EYS: variants seen among roughly 807,000 people sequenced by gnomAD.
EYS encodes the protein EGF-like photoreceptor maintenance factor.
In EYS, 250 loss-of-function variants were observed where a neutral mutation model predicts 282.1. That is an observed-to-expected ratio of 0.89 (90% CI 0.80 to 0.98). The LOEUF is 0.98. Ranked by LOEUF, EYS falls within the 50% of genes least tolerant of loss-of-function variation. EYS has a pLI of 0.00. For synonymous variants in EYS, 1,355 were observed against 1,282.9 expected, an observed-to-expected ratio of 1.06 and a Z score of -1.20; for missense variants, 4,016 against 3,709.0, an observed-to-expected ratio of 1.08 and a Z score of -2.15.
intron 11 of EYS, among the ~76,000 whole-genome samples, chr6:65,325,138 G>A (rs947246308): frequency 6.6e-6 from 1 of 151,986 alleles, no homozygotes; most frequent in African/African-American, 2.4e-5. Flanking sequence ...GGCAGCTGTC[G>A]CCACCATCAT....
intron 39 of EYS, among the ~76,000 whole-genome samples, chr6:63,780,706 C>T: frequency 6.6e-6 from 1 of 152,154 alleles, no homozygotes; most frequent in East Asian, 1.9e-4. Context: ...GTTGCCTGTT[C>T]ACTCTGATGG....
chr6:64,359,900 C>T (rs1771949548), intron 29 of EYS, among the ~76,000 whole-genome samples: 1 of 151,604 alleles, frequency 6.6e-6, no homozygotes, highest in Non-Finnish European at 1.5e-5. Flanking sequence ...TAATCATCCT[C>T]ATTTTGCTTT....
At chr6:64,209,638 A>G (rs1219212615) in intron 31 of EYS, among the ~76,000 whole-genome samples, 5 of 152,108 alleles carry the variant, frequency 3.3e-5, no homozygotes, top group Admixed American at 6.5e-5. Flanking sequence ...TCACTTCTAC[A>G]AGGCTGTTTT....
chr6:64,368,036 A>C (rs1456300043), intron 29 of EYS, among the ~76,000 whole-genome samples: 2 of 152,072 alleles, frequency 1.3e-5, no homozygotes, highest in Non-Finnish European at 2.9e-5. Context: ...AGATTATTTC[A>C]TCATCCAGGT....
intron 8 of EYS, among the ~76,000 whole-genome samples, chr6:65,383,621 T>C (rs1006056013): frequency 6.6e-6 from 1 of 151,708 alleles, no homozygotes; most frequent in Non-Finnish European, 1.5e-5. Context: ...ACATTGGAAG[T>C]TCCCTTTGTA....
At chr6:64,780,799 A>T (rs973081928) in intron 22 of EYS, among the ~76,000 whole-genome samples, 12 of 151,870 alleles carry the variant, frequency 7.9e-5, no homozygotes, top group African/African-American at 2.2e-4. Flanking sequence ...AATATTCTTT[A>T]AAAAAATTAT....
intron 31 of EYS, among the ~76,000 whole-genome samples, chr6:64,098,770 TTTTG>T (rs1172124781): frequency 6.6e-6 from 1 of 151,830 alleles, no homozygotes; most frequent in Non-Finnish European, 1.5e-5. Context: ...CCAGCTAATT[TTTTG>T]TACTTTTTAG....
intron 12 of EYS, among the ~76,000 whole-genome samples, chr6:65,130,821 T>C (rs1259046156): frequency 6.7e-6 from 1 of 148,790 alleles, no homozygotes; most frequent in African/African-American, 2.5e-5. Flanking sequence ...AAAGAAAAAG[T>C]ACATCCCCAT....
chr6:65,440,387 A>T (rs1478589535), intron 5 of EYS, among the ~76,000 whole-genome samples: 3 of 151,812 alleles, frequency 2.0e-5, no homozygotes, highest in African/African-American at 7.2e-5. Flanking sequence ...TAAAAAAAAA[A>T]AAATTAAAAC....
chr6:64,982,608 T>A (rs1303010406), intron 14 of EYS, among the ~76,000 whole-genome samples: 1 of 151,214 alleles, frequency 6.6e-6, no homozygotes, highest in Non-Finnish European at 1.5e-5. Context: ...GAATCAATTG[T>A]AATTGAGTCC....
chr6:65,188,526 C>T (rs1159665435), intron 12 of EYS, among the ~76,000 whole-genome samples: 1 of 151,234 alleles, frequency 6.6e-6, no homozygotes, highest in Admixed American at 6.6e-5. Context: ...ATAATCACCT[C>T]CAAAGATATT....
At chr6:65,456,631 A>G (rs1764628235) in intron 5 of EYS, among the ~76,000 whole-genome samples, 2 of 152,120 alleles carry the variant, frequency 1.3e-5, no homozygotes. Flanking sequence ...TACATGTGAT[A>G]CATATCCCAT....
intron 26 of EYS, among the ~76,000 whole-genome samples, chr6:64,566,802 C>G (rs1294753883): frequency 1.3e-5 from 2 of 152,100 alleles, no homozygotes; most frequent in African/African-American, 4.8e-5. Flanking sequence ...AAGACAGAGT[C>G]TCACTCTATT....
intron 31 of EYS, among the ~76,000 whole-genome samples, chr6:64,116,438 A>G (rs769188956): frequency 1.3e-5 from 2 of 152,204 alleles, no homozygotes; most frequent in Non-Finnish European, 2.9e-5. Flanking sequence ...GAATCATAGC[A>G]TAATACTGTA....
intron 12 of EYS, among the ~76,000 whole-genome samples, chr6:65,133,291 AAAC>A (rs747296371): frequency 1.3e-5 from 2 of 151,926 alleles, no homozygotes; most frequent in African/African-American, 2.4e-5. Context: ...CAAAAAAAGC[AAAC>A]AACAACAACA....
chr6:64,442,550 C>G (rs941625957), intron 26 of EYS, among the ~76,000 whole-genome samples: 1 of 152,176 alleles, frequency 6.6e-6, no homozygotes, highest in African/African-American at 2.4e-5. Flanking sequence ...ATGGCAGCCC[C>G]TCTCATTACA....
At chr6:65,536,937 C>T (rs1011964603) in intron 2 of EYS, among the ~76,000 whole-genome samples, 5 of 152,018 alleles carry the variant, frequency 3.3e-5, no homozygotes, top group Non-Finnish European at 4.4e-5. Context: ...CATACGGCAA[C>T]GCTAATAACT....
intron 13 of EYS, among the ~76,000 whole-genome samples, chr6:65,039,533 G>A (rs891216020): frequency 6.6e-6 from 1 of 151,288 alleles, no homozygotes; most frequent in Non-Finnish European, 1.5e-5. Context: ...CATTAGAAGA[G>A]GGATTACATT....
intron 2 of EYS, among the ~76,000 whole-genome samples, chr6:65,633,887 G>T (rs1767003456): frequency 6.6e-6 from 1 of 152,190 alleles, no homozygotes; most frequent in Non-Finnish European, 1.5e-5. Context: ...GTAAGTAGTT[G>T]GGAGAAAGGT....
Sources: allele counts gnomAD v4.1 joint callset (sites outside exome capture counted in the v4.1 genomes callset), GRCh38; gene constraint gnomAD v4.1.1; transcripts MANE v1.5; gene names NCBI Gene and HGNC (gene_info 2026-07-23, HGNC 2026-07-21).